DLG2: variants seen among roughly 807,000 people sequenced by gnomAD.
The protein encoded by DLG2 is disks large homolog 2.
In DLG2, 45 loss-of-function variants were observed where a neutral mutation model predicts 132.5. That is an observed-to-expected ratio of 0.34 (90% CI 0.27 to 0.44). The LOEUF (loss-of-function observed/expected upper bound fraction) is 0.44, where lower values mean the gene tolerates loss of function less well. DLG2 is among the 20% of genes least tolerant of loss of function. The probability of loss-of-function intolerance (pLI) is 1.00; values close to 1 mark genes in which losing one functional copy is unlikely to be tolerated. For synonymous variants in DLG2, 424 were observed against 419.6 expected (o/e 1.01, Z -0.13); for missense variants, 1,045 against 1,196.9 (o/e 0.87, Z 1.87).
chr11:85,353,390 G>A (rs553449710), intron 3 of DLG2, among the ~76,000 whole-genome samples: 1 of 152,088 alleles, frequency 6.6e-6, no homozygotes, highest in Non-Finnish European at 1.5e-5. Context: ...ACTGTTGGTG[G>A]GAGTGTAAAC....
chr11:85,445,586 A>G (rs961055889), intron 3 of DLG2, among the ~76,000 whole-genome samples: 2 of 152,204 alleles, frequency 1.3e-5, no homozygotes, highest in African/African-American at 4.8e-5. Context: ...AGGCTGAGGC[A>G]GGAGAATCGC....
chr11:84,372,185 C>T (rs1264421455), intron 7 of DLG2, among the ~76,000 whole-genome samples: 1 of 152,110 alleles, frequency 6.6e-6, no homozygotes, highest in Admixed American at 6.6e-5. Context: ...ATGATGGAAT[C>T]CAATCCAATT....
At chr11:84,732,677 G>A (rs1489422078) in intron 6 of DLG2, among the ~76,000 whole-genome samples, 2 of 151,580 alleles carry the variant, frequency 1.3e-5, no homozygotes, top group Non-Finnish European at 2.9e-5. Flanking sequence ...TAAGTTCTAG[G>A]GTACATGTGC....
At chr11:85,065,256 T>C (rs749815192) in intron 6 of DLG2, among the ~76,000 whole-genome samples, 2 of 151,624 alleles carry the variant, frequency 1.3e-5, no homozygotes, top group Non-Finnish European at 1.5e-5. Flanking sequence ...TGTGGAGCTA[T>C]CTTAATCCCC....
intron 9 of DLG2, among the ~76,000 whole-genome samples, chr11:84,125,560 A>AG (rs1483479389): frequency 6.6e-6 from 1 of 152,192 alleles, no homozygotes; most frequent in East Asian, 1.9e-4. Context: ...AGTCAGCTGT[A>AG]GGGGGGTACT....
intron 15 of DLG2, among the ~76,000 whole-genome samples, chr11:83,885,126 G>A (rs1368534397): frequency 1.3e-5 from 2 of 152,166 alleles, no homozygotes; most frequent in African/African-American, 4.8e-5. Context: ...AGAGAAGAAG[G>A]CTTCAGAGCA....
chr11:85,380,646 G>C (rs1329194387), intron 3 of DLG2, among the ~76,000 whole-genome samples: 1 of 152,178 alleles, frequency 6.6e-6, no homozygotes, highest in African/African-American at 2.4e-5. Context: ...GGCAACAAGA[G>C]TGAAACTCCA....
In DLG2 at chr11:84,042,997, A is replaced by G. The variant is rs2096132867; in HGVS notation, c.919+16318T>C. Among the ~76,000 whole-genome samples, 4 of 151,934 alleles carry G rather than the reference A, an allele frequency of 2.6e-5. No individual in the cohort carries two copies. The South Asian group carries it at 8.3e-4, about 32-fold the overall frequency. On this transcript the variant is annotated intron_variant, in intron 11 of 27. Transcript: ENST00000376104. ...TGTAAATGATATACTTTCTGTCATTATATTTTTTAGTTGACTACTGCTTAT... is the reference window on the plus strand; with the variant it reads ...TGTAAATGATATACTTTCTGTCATTGTATTTTTTAGTTGACTACTGCTTAT...
intron 3 of DLG2, among the ~76,000 whole-genome samples, chr11:85,507,299 C>G (rs1163431458): frequency 6.6e-6 from 1 of 152,094 alleles, no homozygotes; most frequent in African/African-American, 2.4e-5. Context: ...CAGTTTCTTC[C>G]TAGCATCAGT....
chr11:84,580,116 A>G (rs1395507300), intron 6 of DLG2, among the ~76,000 whole-genome samples: 1 of 152,178 alleles, frequency 6.6e-6, no homozygotes, highest in East Asian at 1.9e-4. Context: ...GATTTAAATG[A>G]GGAAATAGTA....
chr11:84,842,966 G>T (rs1449516773), intron 6 of DLG2, among the ~76,000 whole-genome samples: 1 of 151,918 alleles, frequency 6.6e-6, no homozygotes. Flanking sequence ...ATTCCTACCA[G>T]TTATCTTGAC....
intron 5 of DLG2, among the ~76,000 whole-genome samples, chr11:85,138,226 T>C (rs2152425418): frequency 6.6e-6 from 1 of 152,270 alleles, no homozygotes; most frequent in South Asian, 2.1e-4. Flanking sequence ...GTTATTATCA[T>C]CATCAAAATC....
intron 6 of DLG2, among the ~76,000 whole-genome samples, chr11:84,924,097 A>C (rs2092885786): frequency 6.6e-6 from 1 of 152,042 alleles, no homozygotes; most frequent in Non-Finnish European, 1.5e-5. Context: ...ATAAGTCCGT[A>C]AGGAAAAAAA....
At chr11:85,463,734 G>A (rs1328383474) in intron 3 of DLG2, among the ~76,000 whole-genome samples, 1 of 152,120 alleles carries the variant, frequency 6.6e-6, no homozygotes, top group Non-Finnish European at 1.5e-5. Context: ...TCATGCCACT[G>A]CATTCTAGTC....
intron 8 of DLG2, among the ~76,000 whole-genome samples, chr11:84,214,780 A>G (rs1249878052): frequency 2.6e-5 from 4 of 152,202 alleles, no homozygotes; most frequent in Non-Finnish European, 5.9e-5. Context: ...TCAAGCAAAA[A>G]GAGATAAAAT....
chr11:84,861,640 C>CAAAAAAAAAAAAAAAAAA (rs1248486704), intron 6 of DLG2, among the ~76,000 whole-genome samples: 2 of 75,652 alleles, frequency 2.6e-5, no homozygotes, highest in African/African-American at 6.1e-5. Context: ...AAAAAAAAAA[C>CAAAAAAAAAAAAAAAAAA]AAAAAAAAAA....
intron 8 of DLG2, among the ~76,000 whole-genome samples, chr11:84,182,005 C>T (rs1402727397): frequency 2.0e-5 from 3 of 152,140 alleles, no homozygotes; most frequent in Non-Finnish European, 4.4e-5. Context: ...TATTTGAACT[C>T]CATGGAACCA....
chr11:84,995,701 C>T (rs989569391), intron 6 of DLG2, among the ~76,000 whole-genome samples: 1 of 151,742 alleles, frequency 6.6e-6, no homozygotes, highest in African/African-American at 2.4e-5. Context: ...TAGAGCCCAA[C>T]TTAAAGTAAC....
chr11:85,521,585 G>A (rs1382467974), intron 3 of DLG2, among the ~76,000 whole-genome samples: 1 of 152,152 alleles, frequency 6.6e-6, no homozygotes, highest in African/African-American at 2.4e-5. Flanking sequence ...GGTTGGAACA[G>A]TTTGGAAGGC....
Sources: allele counts gnomAD v4.1 joint callset (sites outside exome capture counted in the v4.1 genomes callset), GRCh38; gene constraint gnomAD v4.1.1; transcripts MANE v1.5; gene names NCBI Gene and HGNC (gene_info 2026-07-23, HGNC 2026-07-21).